The following CSRNP3 variants were observed in gnomAD, a reference collection of about 807,000 sequenced individuals.
CSRNP3 encodes cysteine/serine-rich nuclear protein 3.
A neutral mutation model predicts 48.0 loss-of-function variants in CSRNP3; 12 were observed. The observed-to-expected ratio is 0.25, with a 90% CI of 0.16 to 0.41. The LOEUF is 0.41. CSRNP3 is among the 10% of genes least tolerant of loss of function. The probability of loss-of-function intolerance (pLI) is 1.00; values close to 1 mark genes in which losing one functional copy is unlikely to be tolerated. For synonymous variants in CSRNP3, 263 were observed against 269.7 expected (o/e 0.98, Z 0.24); for missense variants, 580 against 724.4 (o/e 0.80, Z 2.29).
chr2:165,540,604 G>T (rs1355160812), intron 3 of CSRNP3, among the ~76,000 whole-genome samples: 1 of 152,070 alleles, frequency 6.6e-6, no homozygotes, highest in East Asian at 1.9e-4. Context: ...GACTCATGCA[G>T]ACATTCCTTG....
At chr2:165,646,155 T>C (rs550975452) in intron 4 of CSRNP3, among the ~76,000 whole-genome samples, 8 of 152,314 alleles carry the variant, frequency 5.3e-5, no homozygotes, top group African/African-American at 1.9e-4. Flanking sequence ...AGGATAAGTA[T>C]AGTAAAGGCT....
intron 3 of CSRNP3, among the ~76,000 whole-genome samples, chr2:165,545,200 T>C (rs764522698): frequency 2.0e-5 from 3 of 152,124 alleles, no homozygotes; most frequent in Non-Finnish European, 4.4e-5. Context: ...TATGGTTTTA[T>C]GAGAGAATGG....
chr2:165,557,177 C>T (rs1311162257), intron 3 of CSRNP3, among the ~76,000 whole-genome samples: 2 of 152,104 alleles, frequency 1.3e-5, no homozygotes, highest in African/African-American at 4.8e-5. Flanking sequence ...GAAAAGAACA[C>T]TTCATGACAC....
intron 5 of CSRNP3, among the ~76,000 whole-genome samples, chr2:165,674,250 T>A (rs1687382493): frequency 6.6e-6 from 1 of 152,056 alleles, no homozygotes; most frequent in Non-Finnish European, 1.5e-5. Context: ...AGCCAAGAAT[T>A]AATGAAAACA....
intron 3 of CSRNP3, among the ~76,000 whole-genome samples, chr2:165,553,692 C>T (rs1026840061): frequency 6.6e-6 from 1 of 152,156 alleles, no homozygotes; most frequent in African/African-American, 2.4e-5. Flanking sequence ...CACAAAATTT[C>T]TACCTTCCAT....
At position 165,677,474 on chromosome 2, in the gene CSRNP3, A is replaced by G. The variant is rs545153312; in HGVS notation, c.705+866A>G. Among the ~76,000 whole-genome samples, 26 of 152,270 alleles carry G rather than the reference A, an allele frequency of 1.7e-4. No individual in the cohort carries two copies. The East Asian group carries it at 4.8e-3, about 28-fold the overall frequency. On this transcript the variant is annotated intron_variant, in intron 6 of 6. Transcript: ENST00000651982. ...TATGATTAGTGTCACTATTTTATGC[A>G]GAAACTTGGCTTTTTCAATAAGGAA...
intron 1 of CSRNP3, among the ~76,000 whole-genome samples, chr2:165,492,168 C>T (rs6717926): frequency 1.3e-5 from 2 of 151,960 alleles, no homozygotes; most frequent in African/African-American, 4.8e-5. Flanking sequence ...ACTGAATCCT[C>T]CCTACTAGGA....
At chr2:165,593,047 C>T (rs1255838832) in intron 3 of CSRNP3, among the ~76,000 whole-genome samples, 8 of 151,886 alleles carry the variant, frequency 5.3e-5, no homozygotes, top group East Asian at 1.9e-4. Context: ...GTGATCCGCC[C>T]GCCTCGGCCT....
At chr2:165,479,614 G>T (rs1042997568) in intron 1 of CSRNP3, among the ~76,000 whole-genome samples, 1 of 152,134 alleles carries the variant, frequency 6.6e-6, no homozygotes, top group Non-Finnish European at 1.5e-5. Flanking sequence ...TTATATTACT[G>T]TAGGTTAGAA....
At chr2:165,497,993 C>T (rs1454944587) in intron 2 of CSRNP3, among the ~76,000 whole-genome samples, 1 of 152,028 alleles carries the variant, frequency 6.6e-6, no homozygotes, top group African/African-American at 2.4e-5. Context: ...TAGGGCAGTG[C>T]TAGTGATGAG....
intron 3 of CSRNP3, among the ~76,000 whole-genome samples, chr2:165,591,701 A>G (rs1326494276): frequency 6.6e-6 from 1 of 152,226 alleles, no homozygotes; most frequent in Non-Finnish European, 1.5e-5. Flanking sequence ...GCCCAAAGCC[A>G]TGGTGGTTTC....
intron 5 of CSRNP3, among the ~76,000 whole-genome samples, chr2:165,658,571 A>C (rs568422986): frequency 6.6e-6 from 1 of 152,312 alleles, no homozygotes; most frequent in South Asian, 2.1e-4. Context: ...CTACTGTATT[A>C]GTCTGTTTTC....
intron 4 of CSRNP3, among the ~76,000 whole-genome samples, chr2:165,613,137 G>T (rs926524613): frequency 7.9e-5 from 12 of 151,926 alleles, no homozygotes; most frequent in African/African-American, 2.7e-4. Context: ...CATGATGTCT[G>T]ATTGTGGTTT....
chr2:165,657,436 C>T (rs1310132887), intron 4 of CSRNP3, among the ~76,000 whole-genome samples: 1 of 152,170 alleles, frequency 6.6e-6, no homozygotes, highest in East Asian at 1.9e-4. Flanking sequence ...AACATATCCT[C>T]TAAAGATAAG....
rs1375395212 is a variant in CSRNP3, at chr2:165,683,875, A to G, written c.*4122A>G. 1.3e-5 allele frequency: 2 copies of G among 152,102 alleles called. No individual in the cohort carries two copies. The highest frequency in any genetic ancestry group is 2.9e-5 in the Non-Finnish European group (2 of 67,984). The allele number at this position is 152,102 out of a possible 1,614,324, so 9.4% of individuals were successfully genotyped here. On this transcript the variant is annotated 3_prime_UTR_variant, in exon 7 of 7. Coordinates refer to ENST00000651982, the MANE Select transcript of CSRNP3 (RefSeq NM_001172173.2). ...CAACTAAAAGATGCTTCCTTTACCT[A>G]AATTATAGAACTCACTGGATCGCCC...
intron 1 of CSRNP3, among the ~76,000 whole-genome samples, chr2:165,475,594 A>G (rs1330848947): frequency 6.6e-6 from 1 of 152,200 alleles, no homozygotes; most frequent in African/African-American, 2.4e-5. Context: ...GCCTAATACA[A>G]TGCCTGATAC....
intron 3 of CSRNP3, among the ~76,000 whole-genome samples, chr2:165,584,404 T>G (rs779990970): frequency 1.3e-5 from 2 of 152,110 alleles, no homozygotes; most frequent in Non-Finnish European, 2.9e-5. Flanking sequence ...CAGCTGAGGC[T>G]AGGATCACAT....
At chr2:165,640,860 CT>C (rs888450948) in intron 4 of CSRNP3, among the ~76,000 whole-genome samples, 1 of 152,170 alleles carries the variant, frequency 6.6e-6, no homozygotes, top group Non-Finnish European at 1.5e-5. Context: ...CTCTGTGGAC[CT>C]CAGTTTCATT....
At chr2:165,591,008 G>A (rs1473314355) in intron 3 of CSRNP3, among the ~76,000 whole-genome samples, 1 of 152,154 alleles carries the variant, frequency 6.6e-6, no homozygotes, top group African/African-American at 2.4e-5. Context: ...GAAGAAGATA[G>A]GAAAATGTGA....
Sources: allele counts gnomAD v4.1 joint callset (sites outside exome capture counted in the v4.1 genomes callset), GRCh38; gene constraint gnomAD v4.1.1; transcripts MANE v1.5; gene names NCBI Gene and HGNC (gene_info 2026-07-23, HGNC 2026-07-21).